POC5: variants seen among roughly 807,000 people sequenced by gnomAD.
POC5 encodes centrosomal protein POC5.
In POC5, 48 loss-of-function variants were observed where a neutral mutation model predicts 62.9. That is an observed-to-expected ratio of 0.76 (90% CI 0.61 to 0.97). The LOEUF is 0.97. POC5 is among the 50% of genes least tolerant of loss of function. The pLI is 0.00. For missense variants in POC5, 696 were observed against 679.5 expected, an observed-to-expected ratio of 1.02 and a Z score of -0.27; for synonymous variants, 236 against 228.2, an observed-to-expected ratio of 1.03 and a Z score of -0.31.
chr5:75,677,597 T>C (rs1295612693), intron 11 of POC5, 177 bp downstream of exon 11: 7 of 378,196 alleles, frequency 1.9e-5, no homozygotes, highest in Non-Finnish European at 3.2e-5. Context: ...TTATAGCAGG[T>C]TTGAGAAAAA....
At chr5:75,705,225 A>G (rs1268913269) in intron 4 of POC5, 1 of 152,210 alleles carries the variant, frequency 6.6e-6, no homozygotes, top group African/African-American at 2.4e-5. Context: ...AAATACAAAA[A>G]ACAATCCCCC....
intron 5 of POC5, 45 bp from the exon 6 acceptor site, chr5:75,694,876 A>T: frequency 7.6e-7 from 1 of 1,307,506 alleles, no homozygotes; most frequent in Non-Finnish European, 1.1e-6. Context: ...GTTCGTTAAT[A>T]TCACTTCTTA....
chr5:75,682,143 C>T lies in POC5; in HGVS notation c.1407+3064G>A, dbSNP rs1046626914. 2.0e-5 allele frequency among the ~76,000 whole-genome samples: 3 copies of T among 152,160 alleles called. No individual in the cohort carries two copies. The South Asian group carries it at 6.2e-4, about 32-fold the overall frequency. On this transcript the variant is annotated intron_variant, in intron 10 of 11. Transcript: ENST00000428202. ...GTGGGATAGGGCAGACAGGGAAGGGCTGTCTACAGAATATTATGGTTTTCA... is the reference window on the plus strand; with the variant it reads ...GTGGGATAGGGCAGACAGGGAAGGGTTGTCTACAGAATATTATGGTTTTCA...
intron 5 of POC5, among the ~76,000 whole-genome samples, chr5:75,702,130 T>G (rs1776913232): frequency 6.7e-6 from 1 of 148,856 alleles, no homozygotes; most frequent in Non-Finnish European, 1.5e-5. Context: ...CATGGACACA[T>G]GGAGGGGAAC....
At position 75,705,790 on chromosome 5, in the gene POC5, GC is replaced by G; in HGVS notation, c.224-4del. ...TTCTCTTACTTCAGAGTTATTTCCT[GC>G]CAAAAAGAAAGCTTTTTAAAATTAA... On this transcript the variant is annotated splice_region_variant and splice_polypyrimidine_tract_variant and intron_variant, in intron 3 of 11. Transcript: ENST00000428202. 6.6e-7 allele frequency: 1 copy of G among 1,522,440 alleles called. No homozygotes were observed. The allele number at this position is 1,522,440 out of a possible 1,614,324, so 94.3% of individuals were successfully genotyped here.
intron 1 of POC5, among the ~76,000 whole-genome samples, chr5:75,715,542 G>A (rs1777522293): frequency 6.6e-6 from 1 of 152,034 alleles, no homozygotes; most frequent in African/African-American, 2.4e-5. Flanking sequence ...ACTATCATGA[G>A]AACAGCACGG....
chr5:75,707,504 T>C (rs138468920), intron 3 of POC5: 164 of 387,348 alleles, frequency 4.2e-4, no homozygotes, highest in African/African-American at 3.1e-3. Context: ...GCTTCAACTT[T>C]ATTATTCTTC....
chr5:75,685,797 A>C (rs983435647), intron 9 of POC5, among the ~76,000 whole-genome samples: 1 of 152,158 alleles, frequency 6.6e-6, no homozygotes, highest in Non-Finnish European at 1.5e-5. Flanking sequence ...TTGCCATCAC[A>C]ACTGTCACAA....
intron 11 of POC5, among the ~76,000 whole-genome samples, chr5:75,675,991 C>A (rs967113811): frequency 6.6e-6 from 1 of 152,134 alleles, no homozygotes; most frequent in Non-Finnish European, 1.5e-5. Context: ...GTCACATAAT[C>A]CAGGCAGCTG....
At chr5:75,715,087 A>C (rs6453141) in intron 1 of POC5, among the ~76,000 whole-genome samples, 7,449 of 151,900 alleles carry the variant, frequency 0.049, 636 homozygotes, top group African/African-American at 0.17. Flanking sequence ...CTGAGGTGGG[A>C]GGATTACGAG....
intron 10 of POC5, among the ~76,000 whole-genome samples, chr5:75,684,363 A>ATTTTTTTTTTTTTTTT (rs749361349): frequency 1.5e-5 from 2 of 132,710 alleles, no homozygotes; most frequent in African/African-American, 5.6e-5. Flanking sequence ...TTCCTACATA[A>ATTTTTTTTTTTTTTTT]TTTTTTTTTT....
Position 75,678,853 on chromosome 5 carries a change from A to G in POC5, c.1408-903T>C, listed in dbSNP as rs76075377. ...TCGCTGGATAATACTCCAGAAAAATATTTACAGCAGGAATAACACGTAAGT... is the reference window on the plus strand; with the variant it reads ...TCGCTGGATAATACTCCAGAAAAATGTTTACAGCAGGAATAACACGTAAGT... On this transcript the variant is annotated intron_variant, in intron 10 of 11. Coordinates refer to ENST00000428202, the MANE Select transcript of POC5 (RefSeq NM_001099271.2). Among the ~76,000 whole-genome samples, 168 of 152,300 alleles carry G rather than the reference A, an allele frequency of 1.1e-3. 1 individual carries two copies. In the East Asian group the frequency reaches 0.028, roughly 26 times the overall value.
chr5:75,705,718 T>C lies in POC5; in HGVS notation c.293A>G (p.His98Arg). 6.5e-7 allele frequency: 1 copy of C among 1,539,662 alleles called. No homozygotes were observed. The highest frequency in any genetic ancestry group is 8.8e-7 in the Non-Finnish European group (1 of 1,142,066). ...GKGCDFHISS[H>R]SKTDESSPVL... is the part of the protein sequence containing the mutation. ...AAAAATCATACCATCTGTCTTTGAA[T>C]GACTTGAAATATGGAAATCACATCC... The change falls in exon 4 of 12, where the codon CAT becomes CGT. Residue 98 changes from histidine to arginine, a missense_variant. Coordinates refer to ENST00000428202, the MANE Select transcript of POC5 (RefSeq NM_001099271.2).
At chr5:75,678,292 A>C (rs1775751179) in intron 10 of POC5, among the ~76,000 whole-genome samples, 2 of 152,146 alleles carry the variant, frequency 1.3e-5, no homozygotes, top group Non-Finnish European at 2.9e-5. Context: ...TACATCTGAC[A>C]TAATTAGAAT....
intron 4 of POC5, among the ~76,000 whole-genome samples, chr5:75,704,715 G>C (rs1323214520): frequency 6.6e-6 from 1 of 152,216 alleles, no homozygotes; most frequent in Non-Finnish European, 1.5e-5. Context: ...AGGGCTGTCA[G>C]AGATTATGAT....
intron 11 of POC5, 85 bp from the exon 12 acceptor site, chr5:75,674,663 C>T (rs750119469): frequency 1.4e-6 from 2 of 1,472,504 alleles, no homozygotes; most frequent in Admixed American, 3.9e-5. Flanking sequence ...TATAATTTAA[C>T]CCAATAAACA....
At chr5:75,705,663 ATGT>A in intron 4 of POC5, 38 bp downstream of exon 4, 1 of 1,233,404 alleles carries the variant, frequency 8.1e-7, no homozygotes, top group Non-Finnish European at 1.1e-6. Context: ...AAACCACAAA[ATGT>A]TGTATATTAA....
At position 75,674,188 on chromosome 5, in the gene POC5, T is replaced by G. The variant is rs1775565865; in HGVS notation, c.*247A>C. 3.5e-6 allele frequency: 1 copy of G among 281,966 alleles called. No individual in the cohort carries two copies. The allele number at this position is 281,966 out of a possible 1,614,324, so 17.5% of individuals were successfully genotyped here. ...CAACAGGCTAAACATATTAAAGAAA[T>G]AAAGTCCAGTTTCTTTTTTAATTTA... is the stretch of plus-strand genomic sequence containing the variant. On this transcript the variant is annotated 3_prime_UTR_variant, in exon 12 of 12. Transcript: ENST00000428202.
At chr5:75,710,329 T>C (rs768471666) in intron 2 of POC5, among the ~76,000 whole-genome samples, 1 of 152,220 alleles carries the variant, frequency 6.6e-6, no homozygotes, top group African/African-American at 2.4e-5. Flanking sequence ...GTGTGGCTGT[T>C]ATGGAGTTAC....
Sources: gnomAD v4.1 joint callset for allele counts (sites outside exome capture counted in the v4.1 genomes callset) on GRCh38, gnomAD v4.1.1 for gene constraint, MANE v1.5 for transcripts, NCBI Gene and HGNC (gene_info 2026-07-23, HGNC 2026-07-21) for gene names.